MGMT: variants seen among roughly 807,000 people sequenced by gnomAD.
MGMT encodes the protein methylated-DNA--protein-cysteine methyltransferase.
A neutral mutation model predicts 15.9 loss-of-function variants in MGMT; 14 were observed. The ratio of observed to expected loss-of-function variants is 0.88; its 90% CI spans 0.58 to 1.37. MGMT has a LOEUF of 1.37. MGMT is among the 40% of genes most tolerant of loss of function. MGMT has a pLI of 0.00. For missense variants in MGMT, 282 were observed against 268.1 expected, an observed-to-expected ratio of 1.05 and a Z score of -0.36; for synonymous variants, 130 against 118.2, an observed-to-expected ratio of 1.10 and a Z score of -0.65.
chr10:129,724,933 C>T (rs187346638), intron 3 of MGMT, among the ~76,000 whole-genome samples: 1 of 152,172 alleles, frequency 6.6e-6, no homozygotes, highest in African/African-American at 2.4e-5. Context: ...ATGGCCTCAG[C>T]GAGATACTGA....
In MGMT at chr10:129,767,628, CAGAG is replaced by C. The variant is rs1233445753; in HGVS notation, c.*634_*637del. On this transcript the variant is annotated 3_prime_UTR_variant, in exon 5 of 5. Coordinates refer to ENST00000651593, the MANE Select transcript of MGMT (RefSeq NM_002412.5). ...AACCATTTGCCAAGATTTGGAAAGA[CAGAG>C]AGCTCTCTGGACACGGGTTCGATGG... The C allele has an allele frequency of 1.3e-5, 2 of 152,318 alleles. No homozygotes were observed. Among genetic ancestry groups the C allele is most frequent in the Admixed American group, 6.5e-5 (1 of 15,286 alleles). The allele number at this position is 152,318 out of a possible 1,614,324, so 9.4% of individuals were successfully genotyped here.
intron 2 of MGMT, among the ~76,000 whole-genome samples, chr10:129,573,121 T>G (rs912962100): frequency 6.6e-6 from 1 of 152,170 alleles, no homozygotes; most frequent in African/African-American, 2.4e-5. Flanking sequence ...ATTGATTGTT[T>G]GGGGTTCCTT....
chr10:129,685,459 ACCT>A (rs1847894554), intron 2 of MGMT, among the ~76,000 whole-genome samples: 4 of 151,866 alleles, frequency 2.6e-5, no homozygotes, highest in African/African-American at 7.2e-5. Flanking sequence ...TGAGCCTGCC[ACCT>A]CCTGGCCTCC....
At chr10:129,703,976 A>G (rs1476905585) in intron 2 of MGMT, among the ~76,000 whole-genome samples, 1 of 152,082 alleles carries the variant, frequency 6.6e-6, no homozygotes, top group Non-Finnish European at 1.5e-5. Flanking sequence ...CCAGCTCTGC[A>G]TCACTCAGGA....
intron 2 of MGMT, among the ~76,000 whole-genome samples, chr10:129,670,667 A>G (rs1463229923): frequency 6.6e-6 from 1 of 152,246 alleles, no homozygotes; most frequent in Non-Finnish European, 1.5e-5. Flanking sequence ...GGTAAGAGGA[A>G]ATAAGTACAG....
chr10:129,481,171 G>A (rs1178260793), intron 1 of MGMT, among the ~76,000 whole-genome samples: 6 of 152,192 alleles, frequency 3.9e-5, no homozygotes, highest in Admixed American at 6.5e-5. Flanking sequence ...GTCTTTCACC[G>A]TGCGGTGTGT....
chr10:129,589,243 A>T (rs993581325), intron 2 of MGMT, among the ~76,000 whole-genome samples: 3 of 152,192 alleles, frequency 2.0e-5, no homozygotes, highest in African/African-American at 7.2e-5. Context: ...CTGGTGTCTC[A>T]TGAGTGGCTC....
intron 2 of MGMT, among the ~76,000 whole-genome samples, chr10:129,657,239 C>T (rs1237557286): frequency 6.6e-6 from 1 of 152,136 alleles, no homozygotes; most frequent in Non-Finnish European, 1.5e-5. Context: ...TGCTTCGAAT[C>T]GGGATTTTCC....
chr10:129,542,641 T>A (rs1846056166), intron 2 of MGMT, among the ~76,000 whole-genome samples: 1 of 152,202 alleles, frequency 6.6e-6, no homozygotes, highest in African/African-American at 2.4e-5. Context: ...AAAAATGTGA[T>A]TATTTTACTT....
At chr10:129,694,280 C>G (rs935316618) in intron 2 of MGMT, 1 of 152,232 alleles carries the variant, frequency 6.6e-6, no homozygotes, top group Non-Finnish European at 1.5e-5. Flanking sequence ...GTTTGCATGC[C>G]GGGGCTTCTT....
chr10:129,523,909 T>A (rs964744529), intron 1 of MGMT, among the ~76,000 whole-genome samples: 2 of 152,172 alleles, frequency 1.3e-5, no homozygotes, highest in African/African-American at 4.8e-5. Flanking sequence ...TGGGTTTCAT[T>A]ACCCTCCTAG....
intron 2 of MGMT, among the ~76,000 whole-genome samples, chr10:129,568,703 C>T (rs1846383180): frequency 6.6e-6 from 1 of 152,206 alleles, no homozygotes; most frequent in Non-Finnish European, 1.5e-5. Flanking sequence ...CTCCCTCTGA[C>T]AGCTCCTATG....
chr10:129,680,684 C>T (rs986782145), intron 2 of MGMT, among the ~76,000 whole-genome samples: 2 of 152,228 alleles, frequency 1.3e-5, no homozygotes, highest in African/African-American at 4.8e-5. Flanking sequence ...CCGCCTCCCG[C>T]TCCTTTAACC....
At chr10:129,756,406 G>A (rs376495283) in intron 3 of MGMT, among the ~76,000 whole-genome samples, 64 of 152,340 alleles carry the variant, frequency 4.2e-4, no homozygotes, top group African/African-American at 1.5e-3. Flanking sequence ...GAGCCCCAAG[G>A]TCTCGGGGCT....
At position 129,655,389 on chromosome 10, in the gene MGMT, C is replaced by T. The variant is rs1381978037; in HGVS notation, c.126-52506C>T. Among the ~76,000 whole-genome samples the T allele has an allele frequency of 3.3e-5, 5 of 152,232 alleles. 1 individual carries two copies. Among genetic ancestry groups the T allele is most frequent in the African/African-American group, 9.6e-5 (4 of 41,466 alleles). On this transcript the variant is annotated intron_variant, in intron 2 of 4. Transcript: ENST00000651593. ...CAGTTGAAGACACATTTCTTTCACACATTACCATTTTTAAAACCCATTAAG... is the reference window on the plus strand; with the variant it reads ...CAGTTGAAGACACATTTCTTTCACATATTACCATTTTTAAAACCCATTAAG...
intron 2 of MGMT, among the ~76,000 whole-genome samples, chr10:129,590,346 A>G (rs1471096656): frequency 6.6e-6 from 1 of 152,258 alleles, no homozygotes; most frequent in Non-Finnish European, 1.5e-5. Context: ...CCTGAAAAGT[A>G]CCTGGATCCC....
intron 1 of MGMT, among the ~76,000 whole-genome samples, chr10:129,511,280 G>A (rs900056601): frequency 6.6e-6 from 1 of 150,774 alleles, no homozygotes; most frequent in Non-Finnish European, 1.5e-5. Flanking sequence ...TCCTGTGATG[G>A]GAACCTGGTA....
chr10:129,759,477 G>A, intron 4 of MGMT, 136 bp downstream of exon 4: 2 of 1,341,282 alleles, frequency 1.5e-6, no homozygotes, highest in Non-Finnish European at 1.0e-6. Context: ...CTGTGATGGG[G>A]ACCATTATGC....
chr10:129,731,145 C>T (rs1429519883), intron 3 of MGMT, among the ~76,000 whole-genome samples: 2 of 152,044 alleles, frequency 1.3e-5, no homozygotes, highest in African/African-American at 2.4e-5. Context: ...CGTGTTCTGG[C>T]GTGCCCAGGA....
Sources: allele counts gnomAD v4.1 joint callset (sites outside exome capture counted in the v4.1 genomes callset), GRCh38; gene constraint gnomAD v4.1.1; transcripts MANE v1.5; gene names NCBI Gene and HGNC (gene_info 2026-07-23, HGNC 2026-07-21).